RNF149: variants seen among roughly 807,000 people sequenced by gnomAD.
RNF149 encodes the protein E3 ubiquitin-protein ligase RNF149.
RNF149 carries 21 observed loss-of-function variants against 39.0 expected under a neutral mutation model. The observed-to-expected ratio is 0.54, with a 90% CI of 0.38 to 0.77. RNF149 has a LOEUF of 0.77. Among genes scored for constraint, RNF149 ranks in the 30% least tolerant of loss-of-function variants. The pLI, the probability that RNF149 is intolerant of heterozygous loss-of-function variation, is 0.00. For missense variants in RNF149, 493 were observed against 534.9 expected (o/e 0.92, Z 0.77); for synonymous variants, 209 against 213.6 (o/e 0.98, Z 0.19).
At chr2:101,291,157 A>ATTTT (rs796359283) in intron 3 of RNF149, among the ~76,000 whole-genome samples, 1 of 148,098 alleles carries the variant, frequency 6.8e-6, no homozygotes, top group Non-Finnish European at 1.5e-5. Context: ...TAATTAATTA[A>ATTTT]TTTTTTTTTT....
At chr2:101,271,797 T>G (rs1343832723), downstream of RNF149, 1 of 152,150 alleles carries the variant, frequency 6.6e-6, no homozygotes, top group Non-Finnish European at 1.5e-5. Flanking sequence ...AAGCAGTTAT[T>G]TCAAAAGAAA....
chr2:101,307,160 A>C (rs1683696834), intron 1 of RNF149, among the ~76,000 whole-genome samples: 1 of 152,146 alleles, frequency 6.6e-6, no homozygotes, highest in Non-Finnish European at 1.5e-5. Context: ...TATGTGTAGG[A>C]AGGGTTGCCT....
chr2:101,286,205 T>G, intron 4 of RNF149, 28 bp from the exon 5 acceptor site: 1 of 1,300,710 alleles, frequency 7.7e-7, no homozygotes, highest in Non-Finnish European at 1.1e-6. Context: ...GTGTTAATGT[T>G]TTTAAAATCA....
intron 3 of RNF149, among the ~76,000 whole-genome samples, chr2:101,290,292 AG>A (rs1374413667): frequency 6.6e-6 from 1 of 152,262 alleles, no homozygotes; most frequent in African/African-American, 2.4e-5. Flanking sequence ...TAATTTTTAA[AG>A]TCTCTAATAA....
At chr2:101,288,394 C>T (rs558736143) in intron 4 of RNF149, among the ~76,000 whole-genome samples, 84 of 152,084 alleles carry the variant, frequency 5.5e-4, no homozygotes, top group African/African-American at 1.9e-3. Context: ...TACGCTACCA[C>T]ACCCGGCTAA....
At chr2:101,301,670 A>G (rs1350386410) in intron 1 of RNF149, among the ~76,000 whole-genome samples, 1 of 150,572 alleles carries the variant, frequency 6.6e-6, no homozygotes, top group Non-Finnish European at 1.5e-5. Flanking sequence ...TCTGTGCCAA[A>G]AAGTGTTTAC....
At chr2:101,274,783 C>A (rs1265594530), downstream of RNF149, among the ~76,000 whole-genome samples, 1 of 152,062 alleles carries the variant, frequency 6.6e-6, no homozygotes, top group Non-Finnish European at 1.5e-5. Flanking sequence ...CCTAGCATTT[C>A]TTTCTTTCTT....
At position 101,276,309 on chromosome 2, in the gene RNF149, C is replaced by T; in HGVS notation, c.*929G>A. On this transcript the variant is annotated 3_prime_UTR_variant, in exon 7 of 7. Transcript: ENST00000295317. ...AGCCTGCTCCTTTGACCCAAAAGAACAGCAAGCAAGTAAAAAAGAAGAAAC... is the reference window on the plus strand; with the variant it reads ...AGCCTGCTCCTTTGACCCAAAAGAATAGCAAGCAAGTAAAAAAGAAGAAAC... The T allele has an allele frequency of 1.0e-6, 1 of 985,578 alleles. No homozygotes were observed. The highest frequency in any genetic ancestry group is 1.2e-6 in the Non-Finnish European group (1 of 829,904). The allele number at this position is 985,578 out of a possible 1,614,324, so 61.1% of individuals were successfully genotyped here.
intron 3 of RNF149, among the ~76,000 whole-genome samples, chr2:101,290,597 AGTAAC>A (rs1307378234): frequency 2.0e-5 from 3 of 152,254 alleles, no homozygotes; most frequent in Non-Finnish European, 4.4e-5. Context: ...AATCATATAA[AGTAAC>A]GTATTTACAT....
rs765863528 is a variant in RNF149, at chr2:101,308,151, G to C, written c.438C>G (p.Ile146Met). 75 of 1,609,854 alleles carry C rather than the reference G, an allele frequency of 4.7e-5. No homozygotes were observed. The East Asian group carries it at 1.7e-3, about 36-fold the overall frequency. Reference protein sequence around the residue: ...VLYNEERYGNITLPMSHAGTG... With the variant: ...VLYNEERYGNMTLPMSHAGTG... ...CACCCGCGTGAGACATGGGCAAGGT[G>C]ATGTTCCCGTAGCGCTCCTCATTGT... Residue 146 changes from isoleucine (I) to methionine (M), a missense_variant, in exon 1 of 7, where the codon ATC (isoleucine) becomes ATG (methionine). Transcript: ENST00000295317.
Position 101,308,100 on chromosome 2 carries a change from C to T in RNF149, c.460+29G>A, listed in dbSNP as rs374634123. On this transcript the variant is annotated intron_variant, in intron 1 of 6. Transcript: ENST00000295317. ...CAGCCTCGGCTGCCGCGAAGTCCCC[C>T]TCCCGTCCTCGCGCCCCGGCCTGCT... The T allele has an allele frequency of 5.0e-4, 805 of 1,601,542 alleles. 1 individual carries two copies. Among genetic ancestry groups the T allele is most frequent in the Non-Finnish European group, 6.3e-4 (743 of 1,175,218 alleles).
intron 1 of RNF149, among the ~76,000 whole-genome samples, chr2:101,300,781 G>A (rs1683423350): frequency 6.6e-6 from 1 of 152,228 alleles, no homozygotes; most frequent in African/African-American, 2.4e-5. Context: ...TTTATACCCT[G>A]AGATTTGCTT....
intron 5 of RNF149, among the ~76,000 whole-genome samples, chr2:101,283,891 A>G (rs1259964935): frequency 1.3e-5 from 2 of 152,220 alleles, no homozygotes; most frequent in African/African-American, 4.8e-5. Flanking sequence ...AAGCAAGTTT[A>G]AAACTACTGA....
chr2:101,288,778 T>C, intron 4 of RNF149, 195 bp downstream of exon 4: 1 of 509,024 alleles, frequency 2.0e-6, no homozygotes, highest in Non-Finnish European at 3.5e-6. Flanking sequence ...TAGTGTCACC[T>C]AAGAATCTCC....
At chr2:101,274,276 C>T (rs914563458), downstream of RNF149, among the ~76,000 whole-genome samples, 5 of 152,298 alleles carry the variant, frequency 3.3e-5, no homozygotes, top group South Asian at 6.2e-4. Flanking sequence ...GAAACGTTCA[C>T]GCTGGGTCCA....
At chr2:101,307,714 TTGG>T (rs1195791445) in intron 1 of RNF149, 1 of 507,076 alleles carries the variant, frequency 2.0e-6, no homozygotes, top group African/African-American at 2.1e-5. Flanking sequence ...TCACTTTATG[TTGG>T]TGAAGGGACA....
At chr2:101,272,548 G>C (rs959765773), downstream of RNF149, among the ~76,000 whole-genome samples, 12 of 152,192 alleles carry the variant, frequency 7.9e-5, no homozygotes, top group African/African-American at 2.9e-4. Flanking sequence ...TTAAGTCACA[G>C]AAACACAACA....
In RNF149 at chr2:101,294,101, A is replaced by T; in HGVS notation, c.712-19T>A. ...TATGGCTCTTGGGTAGGAAAATATT[A>T]ATACAGTTATTGAAAAATTTAAATT... is the stretch of plus-strand genomic sequence containing the variant. On this transcript the variant is annotated intron_variant, in intron 2 of 6. Coordinates refer to ENST00000295317, the MANE Select transcript of RNF149 (RefSeq NM_173647.4). The T allele has an allele frequency of 7.4e-7, 1 of 1,346,152 alleles. No homozygotes were observed. Among genetic ancestry groups the T allele is most frequent in the Non-Finnish European group, 1.1e-6 (1 of 946,822 alleles). 83.4% of individuals were successfully genotyped at this position (1,346,152 alleles called of 1,614,324 possible). A position where few individuals can be genotyped will look rare whatever the true frequency, so the allele number is the denominator to read the frequency against.
chr2:101,289,256 T>C (rs1682913284), intron 3 of RNF149, among the ~76,000 whole-genome samples: 1 of 152,202 alleles, frequency 6.6e-6, no homozygotes, highest in African/African-American at 2.4e-5. Flanking sequence ...AAAAATTTCA[T>C]TGTTTGCCTG....
Sources: gnomAD v4.1 joint callset for allele counts (sites outside exome capture counted in the v4.1 genomes callset) on GRCh38, gnomAD v4.1.1 for gene constraint, MANE v1.5 for transcripts, NCBI Gene and HGNC (gene_info 2026-07-23, HGNC 2026-07-21) for gene names.